Variants in DCDC1 observed in about 807,000 individuals in gnomAD.
DCDC1 encodes the protein doublecortin domain containing 1, also known as doublecortin domain-containing protein 1.
A neutral mutation model predicts 178.3 loss-of-function variants in DCDC1; 200 were observed. That is an observed-to-expected ratio of 1.12 (90% CI 1.00 to 1.26). The LOEUF is 1.26. Ranked by LOEUF, DCDC1 falls within the 50% of genes most tolerant of loss-of-function variation. The probability of loss-of-function intolerance (pLI) is 0.00; values close to 1 mark genes in which losing one functional copy is unlikely to be tolerated. For missense variants in DCDC1, 1,983 were observed against 1,749.2 expected (o/e 1.13, Z -2.38); for synonymous variants, 690 against 604.8 (o/e 1.14, Z -2.07).
intron 9 of DCDC1, among the ~76,000 whole-genome samples, chr11:31,157,167 C>A (rs1965791055): frequency 6.6e-6 from 1 of 151,072 alleles, no homozygotes; most frequent in South Asian, 2.1e-4. Flanking sequence ...TCGCTTAAAG[C>A]CAGGAGTTTG....
intron 29 of DCDC1, 116 bp downstream of exon 29, chr11:30,908,830 C>A: frequency 1.2e-6 from 1 of 812,950 alleles, no homozygotes; most frequent in Non-Finnish European, 1.8e-6. Context: ...ACTCAAAAAT[C>A]AGCATTCAAC....
intron 9 of DCDC1, among the ~76,000 whole-genome samples, chr11:31,193,726 C>T (rs775815154): frequency 6.6e-6 from 1 of 152,056 alleles, no homozygotes; most frequent in African/African-American, 2.4e-5. Context: ...CCAGATGTTG[C>T]AAAGCCACTC....
At chr11:30,994,550 T>C (rs967783119) in intron 20 of DCDC1, among the ~76,000 whole-genome samples, 7 of 148,660 alleles carry the variant, frequency 4.7e-5, no homozygotes, top group Non-Finnish European at 8.9e-5. Flanking sequence ...TATATGTATA[T>C]GTATATATGC....
intron 18 of DCDC1, among the ~76,000 whole-genome samples, chr11:31,065,915 T>C (rs940323688): frequency 6.6e-6 from 1 of 152,158 alleles, no homozygotes; most frequent in African/African-American, 2.4e-5. Context: ...GTGTGTGTCA[T>C]TGTCCCACGC....
At chr11:31,343,132 C>A (rs1052206839) in intron 1 of DCDC1, among the ~76,000 whole-genome samples, 1 of 152,032 alleles carries the variant, frequency 6.6e-6, no homozygotes, top group East Asian at 1.9e-4. Context: ...ATTAGCCAGG[C>A]CGAGTGGTGC....
At chr11:31,200,395 C>T (rs530879457) in intron 9 of DCDC1, among the ~76,000 whole-genome samples, 2 of 151,888 alleles carry the variant, frequency 1.3e-5, no homozygotes, top group Non-Finnish European at 2.9e-5. Flanking sequence ...ACAAGAATTA[C>T]AGAACATATT....
chr11:31,215,791 A>T (rs1172660208), intron 9 of DCDC1, among the ~76,000 whole-genome samples: 1 of 135,570 alleles, frequency 7.4e-6, no homozygotes, highest in Non-Finnish European at 1.6e-5. Context: ...GACTCCATCT[A>T]AAAAAAAAAA....
intron 20 of DCDC1, among the ~76,000 whole-genome samples, chr11:31,053,651 C>T (rs979945569): frequency 2.0e-5 from 3 of 151,596 alleles, no homozygotes; most frequent in African/African-American, 4.8e-5. Context: ...GGGTTTCATA[C>T]CAGGGATGGT....
intron 7 of DCDC1, among the ~76,000 whole-genome samples, chr11:31,282,826 T>C (rs549977987): frequency 4.3e-4 from 65 of 152,188 alleles, no homozygotes; most frequent in Non-Finnish European, 8.4e-4. Flanking sequence ...GATATTTTCA[T>C]GTAATATAAA....
At chr11:30,980,060 A>G (rs1950312923) in intron 20 of DCDC1, among the ~76,000 whole-genome samples, 2 of 152,184 alleles carry the variant, frequency 1.3e-5, no homozygotes, top group Non-Finnish European at 1.5e-5. Context: ...GATATTGTGG[A>G]CATCATAAAA....
rs1246507452 is a variant in DCDC1, at chr11:30,916,895, T to C, written c.3427A>G (p.Asn1143Asp). ...PKKTEKGLFE[N>D]VEPQKKHSCS... ...CTGTGTTTCTTCTGTGGTTCCACAT[T>C]TTCAAAGAGCCCTTTTTCCGTTTTC... is the stretch of plus-strand genomic sequence containing the variant. The change falls in exon 26 of 39, where the codon AAT (asparagine) becomes GAT (aspartate). Residue 1143 changes from asparagine (N) to aspartate (D), a missense_variant. Asn to Asp is a conservative substitution (Grantham distance 23). Coordinates refer to ENST00000684477, the MANE Select transcript of DCDC1 (RefSeq NM_001387274.1). 12 of 1,606,824 alleles carry C rather than the reference T, an allele frequency of 7.5e-6. 1 individual carries two copies. The highest frequency in any genetic ancestry group is 1.0e-5 in the Non-Finnish European group (12 of 1,177,302).
rs11031336 is a variant in DCDC1 at position 31,265,841 on chromosome 11, T to C, written c.961-241A>G. Reference sequence around the variant, plus strand: ...AGAAAGAAAGAAGATTCAACAAATATTAAATACTGGTTATCTATTATTTAA... The same window carrying C: ...AGAAAGAAAGAAGATTCAACAAATACTAAATACTGGTTATCTATTATTTAA... On this transcript the variant is annotated intron_variant, in intron 7 of 38. Coordinates refer to ENST00000684477, the MANE Select transcript of DCDC1 (RefSeq NM_001387274.1). 7.5e-4 allele frequency among the ~76,000 whole-genome samples: 113 copies of C among 149,810 alleles called. 3 individuals carry two copies. In the East Asian group the frequency reaches 0.021, roughly 28 times the overall value.
chr11:30,890,811 T>C (rs549569071), intron 36 of DCDC1, among the ~76,000 whole-genome samples: 5 of 152,218 alleles, frequency 3.3e-5, no homozygotes, highest in Non-Finnish European at 7.4e-5. Flanking sequence ...TAAACATCTT[T>C]ATTATTATTT....
At chr11:31,369,271 T>C (rs1295041934) in intron 1 of DCDC1, among the ~76,000 whole-genome samples, 1 of 152,196 alleles carries the variant, frequency 6.6e-6, no homozygotes. Flanking sequence ...TTTTATGTTG[T>C]AAGTTGGTTG....
chr11:31,086,817 A>AG (rs1298210465), intron 17 of DCDC1, among the ~76,000 whole-genome samples: 1 of 151,902 alleles, frequency 6.6e-6, no homozygotes, highest in East Asian at 1.9e-4. Flanking sequence ...TTTGTTAATC[A>AG]TTTTTTGCAC....
At chr11:30,989,941 G>A (rs560350782) in intron 20 of DCDC1, among the ~76,000 whole-genome samples, 2 of 152,192 alleles carry the variant, frequency 1.3e-5, no homozygotes, top group South Asian at 2.1e-4. Context: ...AGAGGTGAGC[G>A]GTGACTGGTC....
At chr11:31,238,215 A>G (rs1591507612) in intron 9 of DCDC1, among the ~76,000 whole-genome samples, 1 of 152,176 alleles carries the variant, frequency 6.6e-6, no homozygotes, top group Non-Finnish European at 1.5e-5. Context: ...TCACATTTGT[A>G]CTTAACACTG....
intron 20 of DCDC1, among the ~76,000 whole-genome samples, chr11:30,963,034 T>A (rs1949201460): frequency 1.3e-5 from 2 of 152,106 alleles, no homozygotes; most frequent in Admixed American, 6.6e-5. Context: ...CTGGGCTTGA[T>A]AGGTAGGTTA....
At position 31,323,075 on chromosome 11, in the gene DCDC1, T is replaced by C. The variant is rs543861335; in HGVS notation, c.164+5042A>G. 3.0e-3 allele frequency among the ~76,000 whole-genome samples: 451 copies of C among 152,354 alleles called. 2 individuals carry two copies. The highest frequency in any genetic ancestry group is 0.01 in the African/African-American group (416 of 41,590). On this transcript the variant is annotated intron_variant, in intron 3 of 38. Coordinates refer to ENST00000684477, the MANE Select transcript of DCDC1 (RefSeq NM_001387274.1). ...TCTACTTTTATTTAATCAGGAACGT[T>C]TCACTGGAAATTTCAGTATAAGCAT...
Sources: allele counts gnomAD v4.1 joint callset (sites outside exome capture counted in the v4.1 genomes callset), GRCh38; gene constraint gnomAD v4.1.1; transcripts MANE v1.5; gene names NCBI Gene and HGNC (gene_info 2026-07-23, HGNC 2026-07-21).